The following NXPH1 variants were observed in gnomAD, a reference collection of about 807,000 sequenced individuals.
NXPH1 encodes the protein neurexophilin-1.
NXPH1 carries 5 observed loss-of-function variants against 23.7 expected under a neutral mutation model. That is an observed-to-expected ratio of 0.21 (90% CI 0.11 to 0.44). NXPH1 has a LOEUF of 0.44. Among genes scored for constraint, NXPH1 ranks in the 20% least tolerant of loss-of-function variants. The probability of loss-of-function intolerance (pLI) is 0.99; values close to 1 mark genes in which losing one functional copy is unlikely to be tolerated. For synonymous variants in NXPH1, 144 were observed against 122.2 expected, an observed-to-expected ratio of 1.18 and a Z score of -1.18; for missense variants, 324 against 321.6, an observed-to-expected ratio of 1.01 and a Z score of -0.06.
At chr7:8,675,732 G>A (rs1219501260) in intron 2 of NXPH1, among the ~76,000 whole-genome samples, 3 of 152,252 alleles carry the variant, frequency 2.0e-5, no homozygotes, top group East Asian at 1.9e-4. Context: ...CCAGGTAAAC[G>A]TGGATGAGAA....
chr7:8,505,931 G>T (rs1310560386), intron 2 of NXPH1, among the ~76,000 whole-genome samples: 1 of 151,968 alleles, frequency 6.6e-6, no homozygotes, highest in Non-Finnish European at 1.5e-5. Flanking sequence ...ACAGAAATGG[G>T]CCCAGACACC....
intron 2 of NXPH1, among the ~76,000 whole-genome samples, chr7:8,460,753 G>T (rs1251961852): frequency 1.3e-5 from 2 of 152,196 alleles, no homozygotes; most frequent in East Asian, 3.8e-4. Context: ...CAACGGACAT[G>T]CTTGAGTGTG....
intron 2 of NXPH1, among the ~76,000 whole-genome samples, chr7:8,542,598 A>G: frequency 6.6e-6 from 1 of 151,762 alleles, no homozygotes; most frequent in Non-Finnish European, 1.5e-5. Flanking sequence ...AGTAAATTAG[A>G]AAAGTATTCA....
intron 2 of NXPH1, among the ~76,000 whole-genome samples, chr7:8,523,441 G>A (rs1817808523): frequency 6.6e-6 from 1 of 152,176 alleles, no homozygotes; most frequent in African/African-American, 2.4e-5. Context: ...AAATATGACT[G>A]TACATTTGTC....
intron 2 of NXPH1, among the ~76,000 whole-genome samples, chr7:8,515,534 T>A (rs1817673976): frequency 6.6e-6 from 1 of 152,176 alleles, no homozygotes. Context: ...TATGAATCAG[T>A]ATAATTTTAG....
chr7:8,533,856 G>A (rs150428920), intron 2 of NXPH1, among the ~76,000 whole-genome samples: 2 of 152,256 alleles, frequency 1.3e-5, no homozygotes, highest in Non-Finnish European at 2.9e-5. Context: ...GAGGAAGAAG[G>A]AGCTGGTGAG....
At chr7:8,740,802 A>C (rs1780348754) in intron 2 of NXPH1, among the ~76,000 whole-genome samples, 1 of 152,076 alleles carries the variant, frequency 6.6e-6, no homozygotes, top group Non-Finnish European at 1.5e-5. Flanking sequence ...CAAGGCTTAT[A>C]ATGTGATGTT....
At chr7:8,735,872 A>G (rs756195167) in intron 2 of NXPH1, among the ~76,000 whole-genome samples, 1 of 152,080 alleles carries the variant, frequency 6.6e-6, no homozygotes, top group Non-Finnish European at 1.5e-5. Context: ...GGGAGGGTGT[A>G]TGTGTCCAGG....
chr7:8,640,490 T>A (rs1820288791), intron 2 of NXPH1, among the ~76,000 whole-genome samples: 1 of 151,830 alleles, frequency 6.6e-6, no homozygotes, highest in African/African-American at 2.4e-5. Flanking sequence ...TAGTCATACA[T>A]TTCTGTATCC....
chr7:8,738,826 G>A (rs1420077537), intron 2 of NXPH1, among the ~76,000 whole-genome samples: 1 of 152,164 alleles, frequency 6.6e-6, no homozygotes, highest in Non-Finnish European at 1.5e-5. Flanking sequence ...CCTGACCAGG[G>A]AGAAGGAATC....
chr7:8,739,071 G>T (rs12531055), intron 2 of NXPH1, among the ~76,000 whole-genome samples: 2,247 of 151,434 alleles, frequency 0.015, 25 homozygotes, highest in Non-Finnish European at 0.022. Flanking sequence ...CTCCTTGGGG[G>T]TGGGATCCAC....
At chr7:8,661,513 C>A (rs371138609) in intron 2 of NXPH1, among the ~76,000 whole-genome samples, 3 of 151,916 alleles carry the variant, frequency 2.0e-5, no homozygotes, top group Non-Finnish European at 4.4e-5. Context: ...TGTTTTCTGT[C>A]TGAAGTGGTA....
chr7:8,571,075 T>C (rs895168268), intron 2 of NXPH1, among the ~76,000 whole-genome samples: 6 of 120,316 alleles, frequency 5.0e-5, no homozygotes, highest in African/African-American at 1.9e-4. Flanking sequence ...TCTAATCTAA[T>C]CTAACTCTGG....
chr7:8,515,558 A>T (rs935252663), intron 2 of NXPH1, among the ~76,000 whole-genome samples: 24 of 148,398 alleles, frequency 1.6e-4, no homozygotes, highest in African/African-American at 6.0e-4. Flanking sequence ...ATTATCACAG[A>T]GAGGAAGAGA....
intron 2 of NXPH1, among the ~76,000 whole-genome samples, chr7:8,619,481 C>A (rs1382465302): frequency 6.6e-6 from 1 of 152,128 alleles, no homozygotes; most frequent in Non-Finnish European, 1.5e-5. Context: ...TTTCAGATAT[C>A]CTTTAAAGTA....
intron 2 of NXPH1, among the ~76,000 whole-genome samples, chr7:8,728,573 C>T (rs1222787012): frequency 2.6e-5 from 4 of 152,000 alleles, no homozygotes; most frequent in African/African-American, 9.7e-5. Context: ...TGTCAAAGGC[C>T]TTTTCTGCAT....
At chr7:8,500,248 C>T (rs999289611) in intron 2 of NXPH1, among the ~76,000 whole-genome samples, 1 of 152,064 alleles carries the variant, frequency 6.6e-6, no homozygotes, top group African/African-American at 2.4e-5. Flanking sequence ...TTTACTTCAG[C>T]AGCATCAATT....
At chr7:8,740,687 T>G (rs975475805) in intron 2 of NXPH1, among the ~76,000 whole-genome samples, 31 of 152,172 alleles carry the variant, frequency 2.0e-4, no homozygotes, top group African/African-American at 7.5e-4. Context: ...ATGATGTACC[T>G]TTTTTGTTGC....
intron 2 of NXPH1, among the ~76,000 whole-genome samples, chr7:8,669,392 T>C (rs575899209): frequency 7.2e-5 from 11 of 151,904 alleles, no homozygotes; most frequent in African/African-American, 2.4e-4. Flanking sequence ...GCCTGATTAC[T>C]AGGGATGTGG....
Sources: allele counts gnomAD v4.1 joint callset (sites outside exome capture counted in the v4.1 genomes callset), GRCh38; gene constraint gnomAD v4.1.1; transcripts MANE v1.5; gene names NCBI Gene and HGNC (gene_info 2026-07-23, HGNC 2026-07-21).